Variants in UGGT2 observed in about 807,000 individuals in gnomAD.
UGGT2 encodes the protein UDP-glucose glycoprotein glucosyltransferase 2, also known as UDP-glucose:glycoprotein glucosyltransferase 2.
Under a neutral mutation model 192.1 loss-of-function variants are expected in UGGT2, and 180 were observed. The ratio of observed to expected loss-of-function variants is 0.94; its 90% confidence interval spans 0.83 to 1.06. The LOEUF (loss-of-function observed/expected upper bound fraction) is 1.06. Ranked by LOEUF, UGGT2 falls within the 50% of genes least tolerant of loss-of-function variation. The pLI is 0.00. For synonymous variants in UGGT2, 580 were observed against 591.0 expected (o/e 0.98, Z 0.27); for missense variants, 1,849 against 1,795.7 (o/e 1.03, Z -0.54).
chr13:95,910,836 A>T (rs534014347), intron 20 of UGGT2, among the ~76,000 whole-genome samples: 1 of 152,332 alleles, frequency 6.6e-6, no homozygotes, highest in African/African-American at 2.4e-5. Context: ...ACATAACTGG[A>T]AGTAAACCAC....
chr13:96,024,857 A>C (rs748207697), intron 2 of UGGT2, among the ~76,000 whole-genome samples: 49 of 152,178 alleles, frequency 3.2e-4, no homozygotes, highest in Non-Finnish European at 6.6e-4. Flanking sequence ...GAGGAAAAGG[A>C]TGTTCTGACT....
In UGGT2 at chr13:95,833,043, G is replaced by A. The variant is rs562824368; in HGVS notation, c.4412C>T (p.Pro1471Leu). ...TTTTAGTTTGGATTCTTTTGTTTTG[G>A]GATTATTGCACTAAAAGTTTAAGTA... is the stretch of plus-strand genomic sequence containing the variant. ...RAKTIDLCNN[P>L]KTKESKLKAA... The change falls in exon 38 of 39, where the codon CCC becomes CTC. Residue 1471 changes from proline (P) to leucine (L), a missense_variant. Transcript: ENST00000376747. 38 of 1,611,580 alleles carry A rather than the reference G, an allele frequency of 2.4e-5. No homozygotes were observed. Among genetic ancestry groups the A allele is most frequent in the South Asian group, 1.6e-4 (15 of 90,934 alleles).
intron 21 of UGGT2, among the ~76,000 whole-genome samples, chr13:95,901,888 T>C (rs1305879563): frequency 2.0e-5 from 3 of 152,116 alleles, no homozygotes; most frequent in Non-Finnish European, 4.4e-5. Context: ...ACTCAAACTT[T>C]CAGTCCACAG....
intron 10 of UGGT2, among the ~76,000 whole-genome samples, chr13:95,982,693 C>A (rs1301745354): frequency 6.6e-6 from 1 of 152,068 alleles, no homozygotes; most frequent in Non-Finnish European, 1.5e-5. Flanking sequence ...GCGTATTAAG[C>A]CTCCACTCCC....
In UGGT2 at chr13:95,884,658, G is replaced by C. The variant is rs369028894; in HGVS notation, c.3061C>G (p.Pro1021Ala). The part of the protein sequence containing the change: ...LESFYRFVLE[P>A]ELMSGANDVS... ...TCATTAGCCCCTGACATCAGTTCTG[G>C]TTCCAGAACAAAACGGTAAAAGCTG... Residue 1021 changes from proline to alanine, a missense_variant, in exon 27 of 39, where the codon CCA (proline) becomes GCA (alanine). By Grantham distance (27) the Pro-to-Ala change is conservative (BLOSUM62 -1). Transcript: ENST00000376747. The C allele has an allele frequency of 9.3e-6, 15 of 1,611,586 alleles. No homozygotes were observed. The East Asian group carries it at 1.3e-4, about 14-fold the overall frequency.
At chr13:95,809,055 C>A (rs756715321) in intron 38 of UGGT2, among the ~76,000 whole-genome samples, 1 of 152,110 alleles carries the variant, frequency 6.6e-6, no homozygotes, top group Non-Finnish European at 1.5e-5. Context: ...CTAAGATAGT[C>A]AAAGCCTCCT....
At chr13:95,890,685 C>A (rs2047774995) in intron 25 of UGGT2, among the ~76,000 whole-genome samples, 177 bp downstream of exon 25, 1 of 152,160 alleles carries the variant, frequency 6.6e-6, no homozygotes, top group African/African-American at 2.4e-5. Flanking sequence ...AACCTCAGCA[C>A]AGTCATAACA....
chr13:95,974,393 A>ACATT (rs747155568), intron 10 of UGGT2, among the ~76,000 whole-genome samples: 1 of 152,176 alleles, frequency 6.6e-6, no homozygotes, highest in Non-Finnish European at 1.5e-5. Flanking sequence ...AGCACCTCAT[A>ACATT]CATTCGTTTT....
At chr13:95,896,681 G>A (rs1488337323) in intron 22 of UGGT2, among the ~76,000 whole-genome samples, 1 of 152,042 alleles carries the variant, frequency 6.6e-6, no homozygotes, top group African/African-American at 2.4e-5. Context: ...CTTACATTAA[G>A]CACAGCATCA....
At chr13:95,875,924 T>C (rs939606228) in intron 29 of UGGT2, among the ~76,000 whole-genome samples, 2 of 152,196 alleles carry the variant, frequency 1.3e-5, no homozygotes, top group South Asian at 2.1e-4. Context: ...TTGAAAGCAA[T>C]GAAATCTAGA....
chr13:95,931,209 G>T (rs1034074203), intron 17 of UGGT2, among the ~76,000 whole-genome samples: 5 of 152,190 alleles, frequency 3.3e-5, no homozygotes, highest in Non-Finnish European at 5.9e-5. Context: ...GCTAGACACA[G>T]CACTGATTGG....
At chr13:95,896,668 T>A (rs540133415) in intron 22 of UGGT2, among the ~76,000 whole-genome samples, 1 of 152,264 alleles carries the variant, frequency 6.6e-6, no homozygotes, top group South Asian at 2.1e-4. Flanking sequence ...TGGCTGTATT[T>A]TGCTTACATT....
chr13:96,012,445 A>G (rs1416197149), intron 5 of UGGT2, among the ~76,000 whole-genome samples: 9 of 152,050 alleles, frequency 5.9e-5, no homozygotes. Context: ...TTTTTAAAAA[A>G]AATCAGAAGA....
chr13:95,908,417 CAAG>C (rs1356213005), intron 20 of UGGT2, among the ~76,000 whole-genome samples: 3 of 152,124 alleles, frequency 2.0e-5, no homozygotes, highest in African/African-American at 4.8e-5. Flanking sequence ...AAATACTCCT[CAAG>C]AAGAACAACC....
intron 1 of UGGT2, among the ~76,000 whole-genome samples, chr13:96,048,550 C>T (rs956689382): frequency 2.1e-5 from 3 of 143,468 alleles, no homozygotes; most frequent in African/African-American, 7.6e-5. Flanking sequence ...AATTCAGGAG[C>T]TGGTTTTTTG....
chr13:96,026,774 C>T (rs2052681966), intron 2 of UGGT2, among the ~76,000 whole-genome samples: 1 of 151,734 alleles, frequency 6.6e-6, no homozygotes, highest in African/African-American at 2.4e-5. Flanking sequence ...CAGGTTCACG[C>T]CATTCTCCTG....
intron 36 of UGGT2, among the ~76,000 whole-genome samples, chr13:95,846,463 A>G (rs1888472521): frequency 6.6e-6 from 1 of 152,016 alleles, no homozygotes; most frequent in South Asian, 2.1e-4. Flanking sequence ...CTTTTTATAT[A>G]TTACTAAATT....
At chr13:95,801,878 T>C (rs1419446288) in intron 38 of UGGT2, 66 bp from the exon 39 acceptor site, 9 of 1,585,166 alleles carry the variant, frequency 5.7e-6, no homozygotes, top group Non-Finnish European at 7.8e-6. Context: ...AAATATTACT[T>C]ACATATGATG....
At chr13:95,827,297 T>C (rs1435417576) in intron 38 of UGGT2, among the ~76,000 whole-genome samples, 2 of 152,168 alleles carry the variant, frequency 1.3e-5, no homozygotes, top group East Asian at 1.9e-4. Flanking sequence ...TATCTCCAAA[T>C]GTATCCTTAT....
Sources: allele counts gnomAD v4.1 joint callset (sites outside exome capture counted in the v4.1 genomes callset), GRCh38; gene constraint gnomAD v4.1.1; transcripts MANE v1.5; gene names NCBI Gene and HGNC (gene_info 2026-07-23, HGNC 2026-07-21).